Variants in CALN1 observed in about 807,000 individuals in gnomAD.
The protein encoded by CALN1 is calcium-binding protein 8.
CALN1 carries 17 observed loss-of-function variants against 30.6 expected under a neutral mutation model. That is an observed-to-expected ratio of 0.56 (90% CI 0.38 to 0.83). CALN1 has a LOEUF of 0.83. Ranked by LOEUF, CALN1 falls within the 40% of genes least tolerant of loss-of-function variation. CALN1 has a pLI of 0.00. For synonymous variants in CALN1, 156 were observed against 131.4 expected (o/e 1.19, Z -1.28); for missense variants, 291 against 354.9 (o/e 0.82, Z 1.45).
At chr7:72,276,618 T>C (rs994197325) in intron 3 of CALN1, among the ~76,000 whole-genome samples, 1 of 152,100 alleles carries the variant, frequency 6.6e-6, no homozygotes, top group Non-Finnish European at 1.5e-5. Context: ...AATGGATTAA[T>C]GTCATTATCT....
the CALN1 span, among the ~76,000 whole-genome samples, chr7:72,498,484 T>C: frequency 6.6e-6 from 1 of 152,120 alleles, no homozygotes; most frequent in Non-Finnish European, 1.5e-5. Context: ...CAGCCAACTT[T>C]GTACTCAATA....
intron 5 of CALN1, among the ~76,000 whole-genome samples, chr7:71,981,021 G>GC (rs1417869059): frequency 6.6e-6 from 1 of 152,040 alleles, no homozygotes; most frequent in Non-Finnish European, 1.5e-5. Context: ...CCAGGACACC[G>GC]CCACACTGCC....
intron 4 of CALN1, among the ~76,000 whole-genome samples, chr7:72,034,840 G>A (rs886377098): frequency 1.0e-4 from 14 of 137,284 alleles, no homozygotes; most frequent in African/African-American, 3.5e-4. Context: ...TCTATAGGAA[G>A]ATCCCTAAGA....
intron 3 of CALN1, among the ~76,000 whole-genome samples, chr7:72,198,565 T>C (rs1301988176): frequency 6.6e-6 from 1 of 152,026 alleles, no homozygotes; most frequent in Non-Finnish European, 1.5e-5. Context: ...CCCTCCCTTC[T>C]CTTTCCCGTC....
At chr7:72,269,774 T>C (rs1796851486) in intron 3 of CALN1, among the ~76,000 whole-genome samples, 1 of 152,224 alleles carries the variant, frequency 6.6e-6, no homozygotes. Context: ...ATGTTCAGTC[T>C]ATAGTCAAAT....
At chr7:72,486,257 T>C in the CALN1 span, among the ~76,000 whole-genome samples, 1 of 152,204 alleles carries the variant, frequency 6.6e-6, no homozygotes, top group African/African-American at 2.4e-5. Flanking sequence ...ATGTAGTCCG[T>C]CATTGACAGA....
chr7:72,337,292 G>A (rs373593024), intron 2 of CALN1: 58 of 985,034 alleles, frequency 5.9e-5, no homozygotes, highest in Admixed American at 4.9e-4. Flanking sequence ...CGCCTTGGCC[G>A]CCTGCGCCCC....
chr7:72,142,790 G>A (rs373589505), intron 3 of CALN1, among the ~76,000 whole-genome samples: 11 of 152,268 alleles, frequency 7.2e-5, no homozygotes, highest in East Asian at 5.8e-4. Flanking sequence ...CCAGAGGAAC[G>A]ATCAGGCAGC....
chr7:71,863,294 A>G (rs891988912), intron 5 of CALN1, among the ~76,000 whole-genome samples: 1 of 151,938 alleles, frequency 6.6e-6, no homozygotes, highest in East Asian at 1.9e-4. Context: ...ACAGTGGCTC[A>G]CATCTGTAAT....
chr7:72,209,935 T>C (rs772718527), intron 3 of CALN1, among the ~76,000 whole-genome samples: 3 of 152,164 alleles, frequency 2.0e-5, no homozygotes, highest in Non-Finnish European at 4.4e-5. Flanking sequence ...TCTGTACCTA[T>C]GGGATACTTC....
chr7:71,856,621 A>G (rs1199826454), intron 5 of CALN1, among the ~76,000 whole-genome samples: 1 of 152,158 alleles, frequency 6.6e-6, no homozygotes, highest in African/African-American at 2.4e-5. Flanking sequence ...CTGTATTTTT[A>G]TATTTGTTTT....
At chr7:72,094,370 G>T (rs1212852747) in intron 4 of CALN1, among the ~76,000 whole-genome samples, 1 of 151,920 alleles carries the variant, frequency 6.6e-6, no homozygotes, top group Non-Finnish European at 1.5e-5. Context: ...TTCTCCTGCC[G>T]CCACCTCCCG....
At chr7:72,044,338 C>T (rs960690862) in intron 4 of CALN1, among the ~76,000 whole-genome samples, 8 of 152,048 alleles carry the variant, frequency 5.3e-5, no homozygotes, top group African/African-American at 1.9e-4. Flanking sequence ...AGCCGGCCTC[C>T]TCATAGTAGG....
At chr7:72,023,037 T>A (rs1800798859) in intron 5 of CALN1, among the ~76,000 whole-genome samples, 1 of 152,108 alleles carries the variant, frequency 6.6e-6, no homozygotes, top group African/African-American at 2.4e-5. Context: ...GTGATTCAAA[T>A]TTTTTAAAAT....
intron 2 of CALN1, among the ~76,000 whole-genome samples, chr7:72,397,078 T>C (rs1310016942): frequency 6.6e-6 from 1 of 151,804 alleles, no homozygotes; most frequent in Non-Finnish European, 1.5e-5. Flanking sequence ...GCCTGGTTAA[T>C]TTTTTTTAGT....
chr7:72,420,322 C>T (rs1399078177), intron 1 of CALN1, among the ~76,000 whole-genome samples: 5 of 152,136 alleles, frequency 3.3e-5, no homozygotes, highest in Non-Finnish European at 5.9e-5. Context: ...CATGAAATAA[C>T]TACATGACCT....
intron 3 of CALN1, among the ~76,000 whole-genome samples, chr7:72,235,039 T>C (rs1794382369): frequency 6.6e-6 from 1 of 151,884 alleles, no homozygotes; most frequent in African/African-American, 2.4e-5. Context: ...GAGGCCAAGG[T>C]GAGAGAATCA....
intron 2 of CALN1, among the ~76,000 whole-genome samples, chr7:72,304,146 A>C (rs559064336): frequency 6.6e-6 from 1 of 152,260 alleles, no homozygotes; most frequent in Admixed American, 6.5e-5. Context: ...TGGGAGGTCC[A>C]AAGGTATGGT....
rs544907669 is a variant in CALN1, at chr7:72,306,197, A to G, written c.120-27387T>C. ...TTACCCCAAAACATGTTTCTTTGCC[A>G]TATTTTGAAATGGTCCTGCAAAGCT... On this transcript the variant is annotated intron_variant, in intron 2 of 6. Transcript: ENST00000395275. 3.7e-4 allele frequency among the ~76,000 whole-genome samples: 56 copies of G among 152,318 alleles called. 1 individual carries two copies. The highest frequency in any genetic ancestry group is 1.2e-3 in the African/African-American group (49 of 41,580).
Sources: allele counts gnomAD v4.1 joint callset (sites outside exome capture counted in the v4.1 genomes callset), GRCh38; gene constraint gnomAD v4.1.1; transcripts MANE v1.5; gene names NCBI Gene and HGNC (gene_info 2026-07-23, HGNC 2026-07-21).